MAGI1: variants seen among roughly 807,000 people sequenced by gnomAD.
MAGI1 encodes the protein membrane-associated guanylate kinase, WW and PDZ domain-containing protein 1.
MAGI1 carries 58 observed loss-of-function variants against 139.9 expected under a neutral mutation model. The observed-to-expected ratio is 0.41, with a 90% CI of 0.34 to 0.52. The LOEUF (loss-of-function observed/expected upper bound fraction) is 0.52, where lower values mean the gene tolerates loss of function less well. Ranked by LOEUF, MAGI1 falls within the 20% of genes least tolerant of loss-of-function variation. The pLI is 0.12. For missense variants in MAGI1, 1,874 were observed against 1,901.6 expected, an observed-to-expected ratio of 0.99 and a Z score of 0.27; for synonymous variants, 812 against 737.9, an observed-to-expected ratio of 1.10 and a Z score of -1.63.
intron 1 of MAGI1, among the ~76,000 whole-genome samples, chr3:65,730,524 A>T (rs1265942722): frequency 6.6e-6 from 1 of 152,210 alleles, no homozygotes; most frequent in Admixed American, 6.5e-5. Flanking sequence ...TGGGTCGCAT[A>T]TACAACTCTA....
intron 1 of MAGI1, among the ~76,000 whole-genome samples, chr3:65,790,853 T>C (rs918570781): frequency 6.6e-5 from 10 of 152,154 alleles, no homozygotes; most frequent in Non-Finnish European, 1.2e-4. Context: ...GGCAGGCAGA[T>C]CACTTGAGGT....
intron 2 of MAGI1, among the ~76,000 whole-genome samples, chr3:65,589,563 C>A (rs1213883910): frequency 1.3e-5 from 2 of 152,122 alleles, no homozygotes; most frequent in Admixed American, 6.5e-5. Context: ...TTGACCCCCC[C>A]TGCATTAACT....
At chr3:65,550,430 C>G (rs1446145328) in intron 2 of MAGI1, among the ~76,000 whole-genome samples, 3 of 152,162 alleles carry the variant, frequency 2.0e-5, no homozygotes, top group African/African-American at 7.2e-5. Context: ...TGGATGATAT[C>G]TCACCTCTTC....
intron 1 of MAGI1, among the ~76,000 whole-genome samples, chr3:65,656,058 C>T (rs1559759155): frequency 6.6e-6 from 1 of 152,160 alleles, no homozygotes; most frequent in Non-Finnish European, 1.5e-5. Flanking sequence ...TGGGCCTCCT[C>T]ACTAACCATT....
At chr3:65,610,729 A>AATATAGT (rs1179156307) in intron 2 of MAGI1, among the ~76,000 whole-genome samples, 2 of 131,128 alleles carry the variant, frequency 1.5e-5, no homozygotes, top group East Asian at 4.0e-4. Flanking sequence ...TTTAGGTACA[A>AATATAGT]ATATAGTATA....
At chr3:65,552,486 C>T (rs1018396938) in intron 2 of MAGI1, among the ~76,000 whole-genome samples, 1 of 152,152 alleles carries the variant, frequency 6.6e-6, no homozygotes, top group African/African-American at 2.4e-5. Context: ...AAATTCCTAA[C>T]CACTCTTGGA....
chr3:65,971,611 G>C (rs914599421), intron 1 of MAGI1, among the ~76,000 whole-genome samples: 2 of 152,130 alleles, frequency 1.3e-5, no homozygotes, highest in African/African-American at 4.8e-5. Context: ...GCAATTCAAA[G>C]AAAACAAACT....
At chr3:65,855,314 T>C (rs2059338672) in intron 1 of MAGI1, among the ~76,000 whole-genome samples, 2 of 151,758 alleles carry the variant, frequency 1.3e-5, no homozygotes, top group African/African-American at 2.4e-5. Context: ...GTGCGATGGC[T>C]CACACCTGTA....
At chr3:65,691,851 G>C (rs1042565898) in intron 1 of MAGI1, among the ~76,000 whole-genome samples, 1 of 152,256 alleles carries the variant, frequency 6.6e-6, no homozygotes, top group South Asian at 2.1e-4. Flanking sequence ...GACTGAAATC[G>C]TTCCAGGAAA....
In MAGI1 at chr3:65,356,297, T is replaced by TA; in HGVS notation, c.*80dup. Reference sequence around the variant, plus strand: ...ATCAGGTGTCAGATGCTTCATTAGGTAAGAAACTAAATAATTTCAGGTTTG... The same window carrying TA: ...ATCAGGTGTCAGATGCTTCATTAGGTAAAGAAACTAAATAATTTCAGGTTTG... On this transcript the variant is annotated 3_prime_UTR_variant, in exon 23 of 23. Coordinates refer to ENST00000402939, the MANE Select transcript of MAGI1 (RefSeq NM_001033057.2). The TA allele has an allele frequency of 7.1e-7, 1 of 1,413,608 alleles. No homozygotes were observed. Among genetic ancestry groups the TA allele is most frequent in the Admixed American group, 2.5e-5 (1 of 40,622 alleles). 87.6% of individuals were successfully genotyped at this position (1,413,608 alleles called of 1,614,324 possible). A position where few individuals can be genotyped will look rare whatever the true frequency, so the allele number is the denominator to read the frequency against.
At chr3:65,981,632 G>A (rs1160183154) in intron 1 of MAGI1, among the ~76,000 whole-genome samples, 4 of 152,256 alleles carry the variant, frequency 2.6e-5, no homozygotes, top group East Asian at 1.9e-4. Context: ...TAATTCCCAC[G>A]TGTTGTGGGA....
chr3:65,719,403 T>G (rs2032724169), intron 1 of MAGI1, among the ~76,000 whole-genome samples: 1 of 151,910 alleles, frequency 6.6e-6, no homozygotes, highest in African/African-American at 2.4e-5. Context: ...ATTAAAAATA[T>G]TATGTATGAT....
intron 1 of MAGI1, among the ~76,000 whole-genome samples, chr3:65,795,171 T>C (rs2040043067): frequency 1.3e-5 from 2 of 152,360 alleles, no homozygotes; most frequent in African/African-American, 4.8e-5. Flanking sequence ...GACATTTATG[T>C]TCAAACACAC....
intron 22 of MAGI1, among the ~76,000 whole-genome samples, chr3:65,357,569 T>A (rs577506098): frequency 6.6e-6 from 1 of 151,148 alleles, no homozygotes; most frequent in African/African-American, 2.4e-5. Flanking sequence ...AGAATACTTG[T>A]TTTGATTTAC....
chr3:65,970,379 C>T (rs1172854999), intron 1 of MAGI1, among the ~76,000 whole-genome samples: 1 of 152,020 alleles, frequency 6.6e-6, no homozygotes, highest in Non-Finnish European at 1.5e-5. Flanking sequence ...TAAAGAGTTT[C>T]AGTTTGGGAA....
chr3:65,628,910 T>C (rs2084130704), intron 1 of MAGI1, among the ~76,000 whole-genome samples: 1 of 152,324 alleles, frequency 6.6e-6, no homozygotes, highest in East Asian at 1.9e-4. Context: ...CCTGTTCACA[T>C]TTCTTATACG....
At chr3:65,670,317 TACAC>T (rs1163042224) in intron 1 of MAGI1, among the ~76,000 whole-genome samples, 1 of 149,080 alleles carries the variant, frequency 6.7e-6, no homozygotes, top group African/African-American at 2.4e-5. Flanking sequence ...TATGTATACA[TACAC>T]ACATATATAA....
chr3:65,471,479 G>C (rs182204674), intron 4 of MAGI1, among the ~76,000 whole-genome samples: 17 of 152,284 alleles, frequency 1.1e-4, no homozygotes, highest in Non-Finnish European at 1.5e-4. Flanking sequence ...ACACATGAGA[G>C]TAAAGGTAAT....
chr3:65,620,708 C>T (rs138376630), intron 2 of MAGI1, among the ~76,000 whole-genome samples: 3 of 152,378 alleles, frequency 2.0e-5, no homozygotes, highest in African/African-American at 4.8e-5. Context: ...CACATTAACA[C>T]ATCATCACAA....
Sources: gnomAD v4.1 joint callset for allele counts (sites outside exome capture counted in the v4.1 genomes callset) on GRCh38, gnomAD v4.1.1 for gene constraint, MANE v1.5 for transcripts, NCBI Gene and HGNC (gene_info 2026-07-23, HGNC 2026-07-21) for gene names.